The following DOCK3 variants were observed in gnomAD, a reference collection of about 807,000 sequenced individuals.
DOCK3 encodes dedicator of cytokinesis protein 3.
Under a neutral mutation model 265.6 loss-of-function variants are expected in DOCK3, and 60 were observed. That is an observed-to-expected ratio of 0.23 (90% confidence interval 0.18 to 0.28). DOCK3 has a LOEUF of 0.28. DOCK3 is among the 10% of genes least tolerant of loss of function. The probability of loss-of-function intolerance (pLI) is 1.00; values close to 1 mark genes in which losing one functional copy is unlikely to be tolerated. For synonymous variants in DOCK3, 881 were observed against 938.0 expected (o/e 0.94, Z 1.11); for missense variants, 1,981 against 2,594.3 (o/e 0.76, Z 5.14).
chr3:51,330,101 G>A, intron 32 of DOCK3, 37 bp from the exon 33 acceptor site: 1 of 1,559,148 alleles, frequency 6.4e-7, no homozygotes, highest in East Asian at 2.4e-5. Context: ...TTTTTCTGAG[G>A]TCATCTCAGG....
At chr3:51,228,216 C>G (rs1015024738) in intron 17 of DOCK3, 128 bp downstream of exon 17, 66 of 857,594 alleles carry the variant, frequency 7.7e-5, no homozygotes, top group Non-Finnish European at 1.2e-4. Flanking sequence ...TGGTGGGTGA[C>G]AGTGGGACAT....
At chr3:51,050,603 G>A (rs143548384) in intron 5 of DOCK3, among the ~76,000 whole-genome samples, 8 of 152,268 alleles carry the variant, frequency 5.3e-5, no homozygotes, top group African/African-American at 1.7e-4. Context: ...CAGGAAGGCC[G>A]GTGGTATAAT....
intron 27 of DOCK3, among the ~76,000 whole-genome samples, chr3:51,304,708 TG>T (rs1339202402): frequency 6.6e-6 from 1 of 152,198 alleles, no homozygotes; most frequent in Non-Finnish European, 1.5e-5. Flanking sequence ...TGGCTGGTGG[TG>T]GGGGGCCCCC....
At chr3:51,106,341 T>C (rs2083279304) in intron 9 of DOCK3, among the ~76,000 whole-genome samples, 1 of 152,166 alleles carries the variant, frequency 6.6e-6, no homozygotes, top group Admixed American at 6.5e-5. Context: ...GGCAGAGAGC[T>C]CCAGCATAGC....
intron 1 of DOCK3, among the ~76,000 whole-genome samples, chr3:50,703,445 G>T (rs1481415859): frequency 1.3e-5 from 2 of 152,032 alleles, no homozygotes; most frequent in East Asian, 1.9e-4. Flanking sequence ...GTAGAATTTA[G>T]CAGTAAAGCC....
chr3:50,735,267 G>T (rs976566395), intron 1 of DOCK3, among the ~76,000 whole-genome samples: 11 of 152,242 alleles, frequency 7.2e-5, no homozygotes, highest in Admixed American at 7.2e-4. Flanking sequence ...ATTATAATGT[G>T]CCTCACTGAA....
intron 3 of DOCK3, among the ~76,000 whole-genome samples, chr3:50,868,101 GTCT>G (rs1261508250): frequency 6.7e-6 from 1 of 149,774 alleles, no homozygotes; most frequent in East Asian, 2.0e-4. Flanking sequence ...TTGAGATGGA[GTCT>G]CACTCTGTCG....
rs1383736652 is a variant in DOCK3 at position 51,119,448 on chromosome 3, G to C, written c.747-27101G>C. Among the ~76,000 whole-genome samples the C allele has an allele frequency of 4.6e-5, 7 of 152,066 alleles. No individual in the cohort carries two copies. The East Asian group carries it at 1.4e-3, about 29-fold the overall frequency. On this transcript the variant is annotated intron_variant, in intron 9 of 52. Coordinates refer to ENST00000266037, the MANE Select transcript of DOCK3 (RefSeq NM_004947.5). ...GAATCTGACGATTGTGTGTCTTCGG[G>C]TTGTTCTTCTCAAATAGTATCTTTG...
At chr3:50,856,394 G>A (rs773551900) in intron 3 of DOCK3, among the ~76,000 whole-genome samples, 1 of 151,222 alleles carries the variant, frequency 6.6e-6, no homozygotes, top group East Asian at 1.9e-4. Flanking sequence ...GGCATGAGAT[G>A]GTGTCTCATT....
intron 1 of DOCK3, among the ~76,000 whole-genome samples, chr3:50,714,751 T>TA (rs1452364514): frequency 5.3e-5 from 8 of 152,328 alleles, no homozygotes; most frequent in African/African-American, 1.9e-4. Context: ...ACTACCTCTC[T>TA]AAGTCTCCCT....
intron 23 of DOCK3, 146 bp downstream of exon 23, chr3:51,260,472 A>G: frequency 2.0e-6 from 2 of 1,018,662 alleles, no homozygotes; most frequent in Non-Finnish European, 2.7e-6. Context: ...TACCTGATAC[A>G]ACAAAATGCT....
At chr3:51,324,911 T>C (rs190989539) in intron 32 of DOCK3, among the ~76,000 whole-genome samples, 1 of 152,322 alleles carries the variant, frequency 6.6e-6, no homozygotes, top group Admixed American at 6.5e-5. Flanking sequence ...TATACAGATA[T>C]TAACTCAACG....
At chr3:51,070,702 C>A (rs1393489703) in intron 6 of DOCK3, among the ~76,000 whole-genome samples, 1 of 152,158 alleles carries the variant, frequency 6.6e-6, no homozygotes, top group South Asian at 2.1e-4. Flanking sequence ...CTTAACATCT[C>A]CATCTTTTCT....
chr3:50,911,832 C>T (rs1161521701), intron 4 of DOCK3, among the ~76,000 whole-genome samples: 2 of 151,938 alleles, frequency 1.3e-5, no homozygotes, highest in South Asian at 2.1e-4. Flanking sequence ...TATTTGTGCC[C>T]TCTTCAGTTT....
rs548444161 is a variant in DOCK3 at position 50,912,123 on chromosome 3, G to A, written c.219-21858G>A. 4.6e-5 allele frequency among the ~76,000 whole-genome samples: 7 copies of A among 152,198 alleles called. No homozygotes were observed. In the South Asian group the frequency reaches 1.4e-3, roughly 32 times the overall value. ...ATCATGTTGTTTTCAAACAGAAACA[G>A]TTTTACTTCCTCCGTTCCACTTTAG... On this transcript the variant is annotated intron_variant, in intron 4 of 52. Coordinates refer to ENST00000266037, the MANE Select transcript of DOCK3 (RefSeq NM_004947.5).
chr3:50,767,661 C>T (rs2040984569), intron 1 of DOCK3, among the ~76,000 whole-genome samples: 1 of 152,102 alleles, frequency 6.6e-6, no homozygotes, highest in Non-Finnish European at 1.5e-5. Context: ...TGAAGAAAGT[C>T]ATTGGTAGCT....
intron 23 of DOCK3, 145 bp downstream of exon 23, chr3:51,260,471 C>A (rs878943310): frequency 4.9e-6 from 5 of 1,014,400 alleles, no homozygotes; most frequent in Admixed American, 6.8e-5. Context: ...ATACCTGATA[C>A]AACAAAATGC....
chr3:51,083,840 C>T (rs555067700), intron 7 of DOCK3, among the ~76,000 whole-genome samples: 8 of 152,088 alleles, frequency 5.3e-5, no homozygotes, highest in African/African-American at 1.9e-4. Context: ...AAAAATTAAC[C>T]AGGCATGGTG....
At chr3:50,876,409 T>C (rs548179967) in intron 3 of DOCK3, among the ~76,000 whole-genome samples, 10 of 152,110 alleles carry the variant, frequency 6.6e-5, no homozygotes, top group Non-Finnish European at 1.2e-4. Flanking sequence ...TATTTTAAGG[T>C]TTAAAATATT....
Sources: gnomAD v4.1 joint callset for allele counts (sites outside exome capture counted in the v4.1 genomes callset) on GRCh38, gnomAD v4.1.1 for gene constraint, MANE v1.5 for transcripts, NCBI Gene and HGNC (gene_info 2026-07-23, HGNC 2026-07-21) for gene names.